The following MCC variants were observed in gnomAD, a reference collection of about 807,000 sequenced individuals.
MCC encodes MCC regulator of Wnt signaling pathway, also known as colorectal mutant cancer protein.
Under a neutral mutation model 116.2 loss-of-function variants are expected in MCC, and 90 were observed. The observed-to-expected ratio is 0.77, with a 90% CI of 0.65 to 0.92. MCC has a LOEUF of 0.92. Ranked by LOEUF, MCC falls within the 40% of genes least tolerant of loss-of-function variation. The probability of loss-of-function intolerance (pLI) is 0.00; values close to 1 mark genes in which losing one functional copy is unlikely to be tolerated. For synonymous variants in MCC, 578 were observed against 510.5 expected (o/e 1.13, Z -1.78); for missense variants, 1,516 against 1,312.2 (o/e 1.16, Z -2.40).
chr5:113,298,696 G>A (rs1023106428), intron 3 of MCC, among the ~76,000 whole-genome samples: 1 of 152,180 alleles, frequency 6.6e-6, no homozygotes, highest in Non-Finnish European at 1.5e-5. Flanking sequence ...TTGGATAGGA[G>A]GGGATGCTGA....
intron 3 of MCC, among the ~76,000 whole-genome samples, chr5:113,226,846 A>G (rs1323746297): frequency 2.0e-5 from 3 of 152,194 alleles, no homozygotes; most frequent in Non-Finnish European, 2.9e-5. Flanking sequence ...GTCTTGACTC[A>G]GGCCTGAGTT....
At chr5:113,397,288 C>T (rs915032327) in intron 1 of MCC, among the ~76,000 whole-genome samples, 2 of 152,140 alleles carry the variant, frequency 1.3e-5, no homozygotes, top group Non-Finnish European at 2.9e-5. Flanking sequence ...TAATTAACAT[C>T]CTACACTGGC....
chr5:113,085,542 C>T (rs1438674672), intron 8 of MCC, among the ~76,000 whole-genome samples: 1 of 151,840 alleles, frequency 6.6e-6, no homozygotes, highest in Non-Finnish European at 1.5e-5. Flanking sequence ...AGTTATAAAC[C>T]AAAGTGATGA....
rs542324829 is a variant in MCC, at chr5:113,369,905, C to T, written c.415+15063G>A. On this transcript the variant is annotated intron_variant, in intron 2 of 18. Coordinates refer to ENST00000408903, the MANE Select transcript of MCC (RefSeq NM_001085377.2). The stretch of plus-strand genomic sequence containing the variant: ...TTCAAAATCTCTCTCTTGTCTGTTT[C>T]CCTCATTAAAACTGATTCAAGTAAA... Among the ~76,000 whole-genome samples, 4 of 152,222 alleles carry T rather than the reference C, an allele frequency of 2.6e-5. No homozygotes were observed. In the South Asian group the frequency reaches 8.3e-4, roughly 32 times the overall value.
intron 3 of MCC, among the ~76,000 whole-genome samples, chr5:113,215,721 G>C (rs760927795): frequency 6.6e-6 from 1 of 152,184 alleles, no homozygotes; most frequent in Non-Finnish European, 1.5e-5. Context: ...AATGATCTTG[G>C]ACGTTCCCAG....
At chr5:113,240,258 G>A (rs961990754) in intron 3 of MCC, among the ~76,000 whole-genome samples, 2 of 152,068 alleles carry the variant, frequency 1.3e-5, no homozygotes, top group African/African-American at 4.8e-5. Flanking sequence ...TAGTGAGAGA[G>A]CAAGGCCTAA....
intron 1 of MCC, among the ~76,000 whole-genome samples, chr5:113,446,174 T>C (rs1295129792): frequency 6.6e-6 from 1 of 152,184 alleles, no homozygotes; most frequent in Non-Finnish European, 1.5e-5. Context: ...GGCAACACCA[T>C]TCTGAACAAT....
intron 5 of MCC, among the ~76,000 whole-genome samples, chr5:113,126,126 T>C (rs140751202): frequency 6.6e-6 from 1 of 152,356 alleles, no homozygotes; most frequent in Non-Finnish European, 1.5e-5. Flanking sequence ...TTCATTCATG[T>C]AGAAGCATCT....
At chr5:113,269,475 T>A (rs931188218) in intron 3 of MCC, among the ~76,000 whole-genome samples, 5 of 152,194 alleles carry the variant, frequency 3.3e-5, no homozygotes, top group Non-Finnish European at 5.9e-5. Flanking sequence ...AACAAATGAT[T>A]AAATTGTGGT....
chr5:113,315,814 G>T (rs918141569), intron 3 of MCC, among the ~76,000 whole-genome samples: 7 of 151,800 alleles, frequency 4.6e-5, no homozygotes, highest in African/African-American at 1.2e-4. Flanking sequence ...GGAGGTCGAG[G>T]CTGCAGTGAG....
intron 3 of MCC, among the ~76,000 whole-genome samples, chr5:113,220,493 A>C (rs1431620601): frequency 6.6e-6 from 1 of 152,132 alleles, no homozygotes; most frequent in African/African-American, 2.4e-5. Flanking sequence ...TATTTAGATC[A>C]TTTCTTTTAT....
chr5:113,401,319 T>C (rs1308784163), intron 1 of MCC, among the ~76,000 whole-genome samples: 2 of 152,182 alleles, frequency 1.3e-5, no homozygotes, highest in East Asian at 1.9e-4. Flanking sequence ...CTTACAATTA[T>C]GTTTATTTTT....
intron 3 of MCC, among the ~76,000 whole-genome samples, chr5:113,285,346 G>A (rs1250202686): frequency 5.8e-5 from 5 of 86,206 alleles, no homozygotes; most frequent in African/African-American, 1.5e-4. Context: ...TGCCTACCCC[G>A]CCCCCCACCC....
intron 1 of MCC, among the ~76,000 whole-genome samples, chr5:113,463,737 C>T (rs1291411416): frequency 3.3e-5 from 5 of 152,060 alleles, no homozygotes; most frequent in South Asian, 2.1e-4. Flanking sequence ...AAAAGAGGAC[C>T]GAGCTGGACA....
intron 3 of MCC, among the ~76,000 whole-genome samples, chr5:113,206,830 A>G (rs1822489): frequency 0.59 from 90,154 of 152,078 alleles, 27,757 homozygotes; most frequent in East Asian, 0.72. Flanking sequence ...TATTTGTATA[A>G]CCCCTTACAG....
chr5:113,080,654 G>C (rs1399306586), intron 11 of MCC, among the ~76,000 whole-genome samples: 1 of 152,224 alleles, frequency 6.6e-6, no homozygotes, highest in East Asian at 1.9e-4. Flanking sequence ...GGCCTGTCGT[G>C]GGGTGGAGGG....
intron 6 of MCC, among the ~76,000 whole-genome samples, chr5:113,110,307 C>T (rs1017645103): frequency 7.2e-5 from 11 of 152,136 alleles, no homozygotes; most frequent in South Asian, 2.1e-4. Context: ...TGGGAGCAAA[C>T]GGAGGCTGAC....
intron 6 of MCC, among the ~76,000 whole-genome samples, chr5:113,119,423 G>A (rs554837421): frequency 1.9e-4 from 29 of 152,308 alleles, no homozygotes; most frequent in African/African-American, 6.3e-4. Context: ...GGCTCCAGGC[G>A]GAAGGAACAG....
At chr5:113,390,501 T>C (rs983224984) in intron 1 of MCC, among the ~76,000 whole-genome samples, 5 of 152,234 alleles carry the variant, frequency 3.3e-5, no homozygotes, top group African/African-American at 9.6e-5. Flanking sequence ...CAAAACTGCA[T>C]GGTTTCACAA....
Sources: gnomAD v4.1 joint callset for allele counts (sites outside exome capture counted in the v4.1 genomes callset) on GRCh38, gnomAD v4.1.1 for gene constraint, MANE v1.5 for transcripts, NCBI Gene and HGNC (gene_info 2026-07-23, HGNC 2026-07-21) for gene names.